CCNJL: variants seen among roughly 807,000 people sequenced by gnomAD.
CCNJL encodes the protein cyclin J like.
CCNJL carries 33 observed loss-of-function variants against 33.4 expected under a neutral mutation model. The ratio of observed to expected loss-of-function variants is 0.99; its 90% CI spans 0.75 to 1.32. The LOEUF (loss-of-function observed/expected upper bound fraction) is 1.32, where lower values mean the gene tolerates loss of function less well. Among genes scored for constraint, CCNJL ranks in the 40% most tolerant of loss-of-function variants. CCNJL has a pLI of 0.00. For synonymous variants in CCNJL, 227 were observed against 220.9 expected (o/e 1.03, Z -0.24); for missense variants, 512 against 499.7 (o/e 1.02, Z -0.23).
intron 1 of CCNJL, among the ~76,000 whole-genome samples, chr5:160,321,195 G>A (rs561850226): frequency 2.0e-5 from 3 of 151,964 alleles, no homozygotes; most frequent in Non-Finnish European, 2.9e-5. Context: ...GAGCCCTCCA[G>A]CCTGACAGGG....
At chr5:160,254,307 G>T in intron 5 of CCNJL, 1 of 671,088 alleles carries the variant, frequency 1.5e-6, no homozygotes, top group Non-Finnish European at 2.7e-6. Flanking sequence ...TGACCGCTGG[G>T]GCCTAGGATT....
chr5:160,313,294 T>C (rs1483172361), upstream of CCNJL, among the ~76,000 whole-genome samples: 1 of 152,254 alleles, frequency 6.6e-6, no homozygotes, highest in African/African-American at 2.4e-5. Flanking sequence ...ATTTTTGTGA[T>C]AGTTTTGGAG....
intron 2 of CCNJL, among the ~76,000 whole-genome samples, chr5:160,304,447 T>A (rs1346221141): frequency 6.6e-6 from 1 of 152,154 alleles, no homozygotes; most frequent in Non-Finnish European, 1.5e-5. Flanking sequence ...AATTTCTCCT[T>A]ATTTTATGAA....
chr5:160,275,763 T>G (rs1238971092), intron 3 of CCNJL, among the ~76,000 whole-genome samples: 4 of 152,228 alleles, frequency 2.6e-5, no homozygotes, highest in Admixed American at 2.6e-4. Flanking sequence ...CTTGCCCTCC[T>G]GGCTTTCTCC....
At chr5:160,297,239 A>C (rs1218515796) in intron 2 of CCNJL, among the ~76,000 whole-genome samples, 1 of 152,206 alleles carries the variant, frequency 6.6e-6, no homozygotes, top group East Asian at 1.9e-4. Context: ...CAGGTCTTGC[A>C]GATTACACAT....
intron 4 of CCNJL, among the ~76,000 whole-genome samples, chr5:160,259,182 A>T (rs889761173): frequency 6.6e-6 from 1 of 152,222 alleles, no homozygotes; most frequent in South Asian, 2.1e-4. Flanking sequence ...GTGCTATTTA[A>T]TTCATTTGCA....
At chr5:160,282,588 G>A (rs1300014273) in intron 2 of CCNJL, among the ~76,000 whole-genome samples, 1 of 151,972 alleles carries the variant, frequency 6.6e-6, no homozygotes, top group African/African-American at 2.4e-5. Context: ...AACATACAAA[G>A]AACTCTTACA....
chr5:160,293,724 A>G (rs1399749313), intron 2 of CCNJL, among the ~76,000 whole-genome samples: 5 of 152,318 alleles, frequency 3.3e-5, no homozygotes, highest in Non-Finnish European at 4.4e-5. Context: ...TAGCCCTAGT[A>G]GCCAGGAAAC....
chr5:160,334,171 C>T (rs903959623), intron 1 of CCNJL, among the ~76,000 whole-genome samples: 5 of 152,202 alleles, frequency 3.3e-5, no homozygotes, highest in African/African-American at 4.8e-5. Context: ...GGTCCTCCAT[C>T]CATTGATCCC....
chr5:160,315,966 A>T (rs1211936072), upstream of CCNJL, among the ~76,000 whole-genome samples: 2 of 152,312 alleles, frequency 1.3e-5, no homozygotes, highest in East Asian at 3.9e-4. Context: ...GCTATCAATT[A>T]TCAGGAGTTT....
intron 2 of CCNJL, among the ~76,000 whole-genome samples, chr5:160,308,278 TA>T (rs549148713): frequency 8.2e-4 from 125 of 152,318 alleles, no homozygotes; most frequent in South Asian, 1.5e-3. Context: ...AACATTGCTG[TA>T]AAACGTTTCT....
chr5:160,284,908 TTTTTTA>T (rs1441880255), intron 2 of CCNJL, among the ~76,000 whole-genome samples: 1 of 152,254 alleles, frequency 6.6e-6, no homozygotes, highest in East Asian at 1.9e-4. Context: ...ACCAGAAAAC[TTTTTTA>T]TTTTTATTTT....
At chr5:160,305,299 G>A (rs1457215633) in intron 2 of CCNJL, among the ~76,000 whole-genome samples, 2 of 152,350 alleles carry the variant, frequency 1.3e-5, no homozygotes, top group Non-Finnish European at 1.5e-5. Flanking sequence ...AAGCTGGGAT[G>A]AATTTCTACC....
intron 2 of CCNJL, among the ~76,000 whole-genome samples, chr5:160,303,110 G>C (rs1186364890): frequency 1.3e-5 from 2 of 152,152 alleles, no homozygotes; most frequent in South Asian, 2.1e-4. Context: ...TTTTTTGCTA[G>C]TGTCCAATAA....
intron 2 of CCNJL, among the ~76,000 whole-genome samples, chr5:160,303,846 A>T (rs1763007445): frequency 6.6e-6 from 1 of 151,940 alleles, no homozygotes; most frequent in African/African-American, 2.4e-5. Context: ...CACTCCCTTT[A>T]CCCGAGGGAC....
chr5:160,329,502 C>G (rs929489166), intron 1 of CCNJL, among the ~76,000 whole-genome samples: 1 of 152,042 alleles, frequency 6.6e-6, no homozygotes, highest in South Asian at 2.1e-4. Context: ...AGGCGCCCAC[C>G]ACCACGCCGG....
At chr5:160,283,873 A>G (rs1343003592) in intron 2 of CCNJL, among the ~76,000 whole-genome samples, 1 of 152,130 alleles carries the variant, frequency 6.6e-6, no homozygotes, top group African/African-American at 2.4e-5. Flanking sequence ...GAACATGTGA[A>G]GTTTGTCTTT....
At chr5:160,323,110 C>T (rs1763493431) in intron 1 of CCNJL, among the ~76,000 whole-genome samples, 1 of 151,648 alleles carries the variant, frequency 6.6e-6, no homozygotes, top group Non-Finnish European at 1.5e-5. Context: ...TGGCAGGTGC[C>T]TGTAGTCCCA....
chr5:160,325,722 G>A (rs1196862876), intron 1 of CCNJL, among the ~76,000 whole-genome samples: 2 of 152,118 alleles, frequency 1.3e-5, no homozygotes, highest in South Asian at 2.1e-4. Context: ...TCAGAATTGG[G>A]ATTTTTTTTT....
Sources: allele counts gnomAD v4.1 joint callset (sites outside exome capture counted in the v4.1 genomes callset), GRCh38; gene constraint gnomAD v4.1.1; transcripts MANE v1.5; gene names NCBI Gene and HGNC (gene_info 2026-07-23, HGNC 2026-07-21).